LIN28B: variants seen among roughly 807,000 people sequenced by gnomAD.
LIN28B encodes lin-28 RNA binding posttranscriptional regulator B, also known as protein lin-28 homolog B.
LIN28B carries 5 observed loss-of-function variants against 21.9 expected under a neutral mutation model. That is an observed-to-expected ratio of 0.23 (90% CI 0.12 to 0.48). LIN28B has a LOEUF of 0.48. Among genes scored for constraint, LIN28B ranks in the 20% least tolerant of loss-of-function variants. The pLI, the probability that LIN28B is intolerant of heterozygous loss-of-function variation, is 0.98. For missense variants in LIN28B, 245 were observed against 310.5 expected, an observed-to-expected ratio of 0.79 and a Z score of 1.58; for synonymous variants, 109 against 111.3, an observed-to-expected ratio of 0.98 and a Z score of 0.13.
At chr6:105,020,605 C>T (rs1054873296) in intron 2 of LIN28B, among the ~76,000 whole-genome samples, 2 of 151,920 alleles carry the variant, frequency 1.3e-5, no homozygotes, top group East Asian at 3.9e-4. Flanking sequence ...AGGCATGAAC[C>T]ACTGCACCCA....
At chr6:105,017,600 G>T (rs1193370253) in intron 2 of LIN28B, among the ~76,000 whole-genome samples, 2 of 151,846 alleles carry the variant, frequency 1.3e-5, no homozygotes, top group African/African-American at 2.4e-5. Context: ...TTCAGTTTTT[G>T]CAGCTGGAGC....
At chr6:104,940,232 A>C (rs1313514186) in intron 2 of LIN28B, 1 of 169,012 alleles carries the variant, frequency 5.9e-6, no homozygotes, top group African/African-American at 2.4e-5. Flanking sequence ...AAAGAAAAGA[A>C]GACCTGGGCT....
chr6:104,976,408 CAGA>C (rs1234600796), intron 2 of LIN28B, among the ~76,000 whole-genome samples: 1 of 152,142 alleles, frequency 6.6e-6, no homozygotes, highest in African/African-American at 2.4e-5. Context: ...AGCATTCTAA[CAGA>C]AGAAGGAGTT....
chr6:104,971,676 A>C (rs1769987536), intron 2 of LIN28B, among the ~76,000 whole-genome samples: 1 of 152,202 alleles, frequency 6.6e-6, no homozygotes, highest in South Asian at 2.1e-4. Context: ...CATTGACATT[A>C]AAATTTACAG....
chr6:104,949,527 T>G (rs1032819211), intron 2 of LIN28B, among the ~76,000 whole-genome samples: 7 of 152,322 alleles, frequency 4.6e-5, no homozygotes, highest in Admixed American at 6.5e-5. Flanking sequence ...AGAAGAAAAT[T>G]AGATTGCAAC....
intron 2 of LIN28B, among the ~76,000 whole-genome samples, chr6:104,960,959 GT>G (rs1238235228): frequency 6.6e-6 from 1 of 152,130 alleles, no homozygotes; most frequent in Non-Finnish European, 1.5e-5. Context: ...ACATGCCTAG[GT>G]GCTGTACTTT....
intron 2 of LIN28B, among the ~76,000 whole-genome samples, chr6:104,966,451 A>T (rs935582636): frequency 1.3e-5 from 2 of 151,990 alleles, no homozygotes; most frequent in Non-Finnish European, 2.9e-5. Flanking sequence ...TTTAATTATA[A>T]GAGTTTTTCT....
intron 2 of LIN28B, among the ~76,000 whole-genome samples, chr6:105,005,315 G>C (rs538860273): frequency 1.3e-5 from 2 of 151,708 alleles, no homozygotes; most frequent in South Asian, 2.1e-4. Context: ...GATTTTGCAG[G>C]GTTTTTTATT....
intron 2 of LIN28B, among the ~76,000 whole-genome samples, chr6:104,971,991 G>C (rs746446915): frequency 2.1e-5 from 3 of 145,294 alleles, no homozygotes; most frequent in African/African-American, 2.4e-5. Context: ...ATTTATTTGA[G>C]ATAGGGTCTT....
intron 2 of LIN28B, among the ~76,000 whole-genome samples, chr6:104,986,485 A>G (rs963873497): frequency 1.3e-5 from 2 of 148,512 alleles, no homozygotes; most frequent in Non-Finnish European, 3.0e-5. Flanking sequence ...TCTTTATTTT[A>G]GGTCCTTTTC....
chr6:104,941,671 G>A (rs995220904), intron 2 of LIN28B, among the ~76,000 whole-genome samples: 3 of 152,118 alleles, frequency 2.0e-5, no homozygotes, highest in African/African-American at 7.2e-5. Flanking sequence ...TTTGGTATCG[G>A]TGATGTAAAT....
chr6:104,940,865 G>A (rs1482048408), intron 2 of LIN28B: 1 of 152,476 alleles, frequency 6.6e-6, no homozygotes, highest in Non-Finnish European at 1.5e-5. Context: ...GCGCCTCACA[G>A]GTCTCTCGAC....
At chr6:104,993,084 GTTTT>G (rs1165203313) in intron 2 of LIN28B, among the ~76,000 whole-genome samples, 1 of 151,882 alleles carries the variant, frequency 6.6e-6, no homozygotes, top group Non-Finnish European at 1.5e-5. Context: ...TTATTAAACT[GTTTT>G]TTTATCTTAT....
chr6:104,937,312 G>C (rs1378080100), intron 2 of LIN28B, among the ~76,000 whole-genome samples: 3 of 152,112 alleles, frequency 2.0e-5, no homozygotes, highest in Admixed American at 1.3e-4. Context: ...ATTTTGTAGA[G>C]ACGCGGTGAC....
rs960510956 is a variant in LIN28B, at chr6:105,023,853, A to G, written c.199-2445A>G. 2.7e-5 allele frequency among the ~76,000 whole-genome samples: 4 copies of G among 150,356 alleles called. No individual in the cohort carries two copies. The Admixed American group carries it at 2.7e-4, about 10-fold the overall frequency. On this transcript the variant is annotated intron_variant, in intron 2 of 3. Transcript: ENST00000345080. The stretch of plus-strand genomic sequence containing the variant: ...ACTTATAAGATACCTATCAAAAATC[A>G]TAATAATGGAAAATTAAATTAAGTG...
At chr6:104,969,036 A>G (rs576986424) in intron 2 of LIN28B, among the ~76,000 whole-genome samples, 1 of 152,304 alleles carries the variant, frequency 6.6e-6, no homozygotes, top group South Asian at 2.1e-4. Context: ...CTTTAAATAG[A>G]TTAAATGATA....
chr6:105,031,568 C>G (rs1341209661), intron 3 of LIN28B, among the ~76,000 whole-genome samples: 5 of 148,902 alleles, frequency 3.4e-5, no homozygotes, highest in Non-Finnish European at 7.4e-5. Flanking sequence ...GAGTCTGGCT[C>G]CATCGCCCAG....
intron 2 of LIN28B, among the ~76,000 whole-genome samples, chr6:105,017,072 C>CAAAAAAAAAAA (rs56179020): frequency 5.8e-5 from 5 of 86,062 alleles, no homozygotes; most frequent in Middle Eastern, 6.0e-3. Flanking sequence ...GACTCTGTCT[C>CAAAAAAAAAAA]AAAAAAAAAA....
intron 2 of LIN28B, among the ~76,000 whole-genome samples, chr6:104,984,264 T>G (rs544075399): frequency 6.6e-6 from 1 of 152,270 alleles, no homozygotes; most frequent in African/African-American, 2.4e-5. Flanking sequence ...GAGGAATAAT[T>G]GTGTGTATGT....
Sources: allele counts gnomAD v4.1 joint callset (sites outside exome capture counted in the v4.1 genomes callset), GRCh38; gene constraint gnomAD v4.1.1; transcripts MANE v1.5; gene names NCBI Gene and HGNC (gene_info 2026-07-23, HGNC 2026-07-21).